The following RFXANK variants were observed in gnomAD, a reference collection of about 807,000 sequenced individuals.
The protein encoded by RFXANK is DNA-binding protein RFXANK.
RFXANK carries 19 observed loss-of-function variants against 34.5 expected under a neutral mutation model. The ratio of observed to expected loss-of-function variants is 0.55; its 90% CI spans 0.38 to 0.81. The LOEUF is 0.81. RFXANK is among the 30% of genes least tolerant of loss of function. RFXANK has a pLI of 0.00. For synonymous variants in RFXANK, 154 were observed against 149.8 expected (o/e 1.03, Z -0.20); for missense variants, 295 against 343.5 (o/e 0.86, Z 1.12).
At chr19:19,198,998 G>C (rs1439205828) in intron 8 of RFXANK, 156 bp from the exon 9 acceptor site, 7 of 794,172 alleles carry the variant, frequency 8.8e-6, no homozygotes, top group South Asian at 7.2e-5. Context: ...GACCAAGATA[G>C]CAGAGGTTGG....
intron 3 of RFXANK, among the ~76,000 whole-genome samples, chr19:19,194,512 A>G (rs1360486263): frequency 6.6e-6 from 1 of 152,168 alleles, no homozygotes; most frequent in Non-Finnish European, 1.5e-5. Context: ...CTGGGATTAC[A>G]GGCATGAGCC....
chr19:19,198,365 C>T, intron 7 of RFXANK, 133 bp downstream of exon 7: 1 of 1,390,184 alleles, frequency 7.2e-7, no homozygotes, highest in Non-Finnish European at 9.9e-7. Flanking sequence ...TTCCCAGCCT[C>T]ACAGAGCAGA....
rs1398499076 is a variant in RFXANK, at chr19:19,198,106, G to A, written c.439-1G>A. 1.9e-6 allele frequency: 3 copies of A among 1,613,912 alleles called. No individual in the cohort carries two copies. The highest frequency in any genetic ancestry group is 2.5e-6 in the Non-Finnish European group (3 of 1,180,012). Reference sequence around the variant, plus strand: ...ACCACTGTCCCTTCTTCTCCCTGCAGGGTGCCGACCCCCACATCCTGGCAA... The same window carrying A: ...ACCACTGTCCCTTCTTCTCCCTGCAAGGTGCCGACCCCCACATCCTGGCAA... On this transcript the variant is annotated splice_acceptor_variant, in intron 6 of 9. Transcript: ENST00000303088. LOFTEE classifies it high-confidence loss of function.
chr19:19,198,053 G>C (rs994051566), intron 6 of RFXANK, 54 bp from the exon 7 acceptor site: 5 of 1,608,488 alleles, frequency 3.1e-6, no homozygotes, highest in Non-Finnish European at 4.2e-6. Context: ...GGTACCCCAG[G>C]ATTCCTGGTT....
intron 3 of RFXANK, among the ~76,000 whole-genome samples, chr19:19,195,757 T>A (rs917541772): frequency 6.7e-6 from 1 of 148,700 alleles, no homozygotes; most frequent in Non-Finnish European, 1.5e-5. Flanking sequence ...TTTTTTTTTT[T>A]TTTGAGATGG....
At chr19:19,199,994 G>A (rs946589083) in intron 9 of RFXANK, among the ~76,000 whole-genome samples, 3 of 151,962 alleles carry the variant, frequency 2.0e-5, no homozygotes, top group Non-Finnish European at 2.9e-5. Context: ...GTTTTCGGGG[G>A]GTTTGTTTTT....
chr19:19,198,135 A>G lies in RFXANK; in HGVS notation c.467A>G (p.Glu156Gly). The G allele has an allele frequency of 6.2e-7, 1 of 1,614,052 alleles. No homozygotes were observed. Among genetic ancestry groups the G allele is most frequent in the African/African-American group, 1.3e-5 (1 of 75,012 alleles). The change falls in exon 7 of 10, where the codon GAG becomes GGG. Residue 156 changes from glutamate (E) to glycine (G), a missense_variant. Transcript: ENST00000303088. Reference sequence around the variant, plus strand: ...GCCGACCCCCACATCCTGGCAAAAGAGCGAGAGAGCGCCCTGTCGCTGGCC... The same window carrying G: ...GCCGACCCCCACATCCTGGCAAAAGGGCGAGAGAGCGCCCTGTCGCTGGCC... The part of the protein sequence containing the change: ...WGADPHILAK[E>G]RESALSLAST...
At chr19:19,196,749 C>A (rs965523608) in intron 3 of RFXANK, among the ~76,000 whole-genome samples, 3 of 151,994 alleles carry the variant, frequency 2.0e-5, no homozygotes, top group Non-Finnish European at 4.4e-5. Context: ...CCTATGATCC[C>A]AGCTACTCGG....
Position 19,198,681 on chromosome 19 carries a change from G to A in RFXANK, c.589G>A (p.Ala197Thr), listed in dbSNP as rs745335142. ...GAATGGAGGGACGCCACTGCTGTAC[G>A]CTGTGCGCGGGAACCACGTGAAATG... Reference protein sequence around the residue: ...DWNGGTPLLYAVRGNHVKCVE... With the variant: ...DWNGGTPLLYTVRGNHVKCVE... Residue 197 changes from alanine (A) to threonine (T), a missense_variant, in exon 8 of 10, where the codon GCT (alanine) becomes ACT (threonine). Ala to Thr is a moderately conservative substitution (Grantham distance 58). Transcript: ENST00000303088. The A allele has an allele frequency of 3.2e-5, 51 of 1,613,850 alleles. No homozygotes were observed. The highest frequency in any genetic ancestry group is 1.1e-4 in the East Asian group (5 of 44,884).
intron 6 of RFXANK, 96 bp from the exon 7 acceptor site, chr19:19,198,010 TC>T: frequency 7.2e-7 from 1 of 1,384,374 alleles, no homozygotes; most frequent in Non-Finnish European, 1.0e-6. Flanking sequence ...AGACTCTATC[TC>T]CAAAAAAAAA....
intron 2 of RFXANK, among the ~76,000 whole-genome samples, chr19:19,193,412 CTTTTTT>C (rs71338310): frequency 6.3e-5 from 6 of 94,820 alleles, no homozygotes; most frequent in South Asian, 4.0e-4. Flanking sequence ...TTTTTCCTTT[CTTTTTT>C]TTTTTTTTTT....
intron 1 of RFXANK, 30 bp downstream of exon 1, chr19:19,192,584 C>T (rs1359470664): frequency 6.1e-6 from 1 of 164,780 alleles, no homozygotes; most frequent in Non-Finnish European, 1.3e-5. Context: ...TCCAGACGCC[C>T]CGCGTACTTC....
chr19:19,198,599 C>T, intron 7 of RFXANK, 58 bp from the exon 8 acceptor site: 1 of 1,584,838 alleles, frequency 6.3e-7, no homozygotes, highest in Non-Finnish European at 8.6e-7. Flanking sequence ...GAGTACAAGG[C>T]ATTTTGAGAA....
At chr19:19,199,020 A>G in intron 8 of RFXANK, 134 bp from the exon 9 acceptor site, 1 of 913,016 alleles carries the variant, frequency 1.1e-6, no homozygotes, top group Non-Finnish European at 1.7e-6. Context: ...CCCTTGTCAA[A>G]GGCCACATGG....
At chr19:19,198,769 G>A (rs767050635) in intron 8 of RFXANK, 46 bp downstream of exon 8, 48 of 1,586,934 alleles carry the variant, frequency 3.0e-5, no homozygotes, top group Non-Finnish European at 4.0e-5. Context: ...GCACTCCAGC[G>A]GGCCCTGCGG....
chr19:19,196,957 T>C lies in RFXANK; in HGVS notation c.188-6T>C, dbSNP rs1394610791. 1 of 1,610,538 alleles carries C rather than the reference T, an allele frequency of 6.2e-7. No homozygotes were observed. The highest frequency in any genetic ancestry group is 8.5e-7 in the Non-Finnish European group (1 of 1,179,710). On this transcript the variant is annotated splice_polypyrimidine_tract_variant and splice_region_variant and intron_variant, in intron 3 of 9. Transcript: ENST00000303088. ...GGGAAACTGACGCCTGTTGTCTGTT[T>C]CCCAGCAGGCAGCTCCCTGAAGCAC...
chr19:19,195,063 T>C (rs2060573642), intron 3 of RFXANK, among the ~76,000 whole-genome samples: 1 of 150,564 alleles, frequency 6.6e-6, no homozygotes, highest in South Asian at 2.1e-4. Flanking sequence ...TTTCTTTCTT[T>C]TTTTGAGATG....
chr19:19,197,437 C>A, intron 5 of RFXANK, 84 bp from the exon 6 acceptor site: 1 of 1,410,512 alleles, frequency 7.1e-7, no homozygotes, highest in Non-Finnish European at 9.9e-7. Flanking sequence ...CTAACCCCAG[C>A]CCCCCACCTC....
At chr19:19,193,893 C>T (rs2060546081) in intron 2 of RFXANK, 46 bp from the exon 3 acceptor site, 2 of 1,600,824 alleles carry the variant, frequency 1.2e-6, no homozygotes, top group African/African-American at 1.3e-5. Flanking sequence ...TTTATTATAA[C>T]TGTTGATAAT....
Sources: gnomAD v4.1 joint callset for allele counts (sites outside exome capture counted in the v4.1 genomes callset) on GRCh38, gnomAD v4.1.1 for gene constraint, MANE v1.5 for transcripts, NCBI Gene and HGNC (gene_info 2026-07-23, HGNC 2026-07-21) for gene names.